The following PCDHGA9 variants were observed in gnomAD, a reference collection of about 807,000 sequenced individuals.
The protein encoded by PCDHGA9 is protocadherin gamma-A9.
In PCDHGA9, 37 loss-of-function variants were observed where a neutral mutation model predicts 62.5. That is an observed-to-expected ratio of 0.59 (90% CI 0.46 to 0.78). The LOEUF (loss-of-function observed/expected upper bound fraction) is 0.78. Ranked by LOEUF, PCDHGA9 falls within the 30% of genes least tolerant of loss-of-function variation. The pLI, the probability that PCDHGA9 is intolerant of heterozygous loss-of-function variation, is 0.00. For synonymous variants in PCDHGA9, 459 were observed against 484.6 expected (o/e 0.95, Z 0.69); for missense variants, 1,138 against 1,166.2 (o/e 0.98, Z 0.35).
intron 1 of PCDHGA9, among the ~76,000 whole-genome samples, chr5:141,430,253 T>G (rs2097270288): frequency 9.8e-6 from 1 of 102,050 alleles, no homozygotes; most frequent in Admixed American, 1.0e-4. Context: ...TAGGGAGACA[T>G]CTCCATAATA....
In PCDHGA9 at chr5:141,486,403, T is replaced by C; in HGVS notation, c.2425-8404T>C. ...GGAACCAGTTCTCCCTGGTGACTGC[T>C]GGACCCTTGGATCGAGAGGCCAAAT... On this transcript the variant is annotated intron_variant, in intron 1 of 3. Coordinates refer to ENST00000573521, the MANE Select transcript of PCDHGA9 (RefSeq NM_018921.3). This position sits in a 1 kb window ranked among gnomAD's most constrained non-coding sequence, Gnocchi z 5.0. The C allele has an allele frequency of 6.2e-7, 1 of 1,614,212 alleles. No individual in the cohort carries two copies. Among genetic ancestry groups the C allele is most frequent in the Non-Finnish European group, 8.5e-7 (1 of 1,180,034 alleles).
At chr5:141,481,722 G>A (rs546676646) in intron 1 of PCDHGA9, among the ~76,000 whole-genome samples, 1 of 152,214 alleles carries the variant, frequency 6.6e-6, no homozygotes, top group African/African-American at 2.4e-5. Flanking sequence ...GGGAGGCGGA[G>A]GCGGGCGGAT....
Position 141,402,911 on chromosome 5 carries a change from C to T in PCDHGA9, c.-42C>T. On this transcript the variant is annotated 5_prime_UTR_variant, in exon 1 of 4. Coordinates refer to ENST00000573521, the MANE Select transcript of PCDHGA9 (RefSeq NM_018921.3). Reference sequence around the variant, plus strand: ...GAAGAAAGAACCTGATGAAGCAGCGCGCACAGAGATCCTTTTGAGAAAATT... The same window carrying T: ...GAAGAAAGAACCTGATGAAGCAGCGTGCACAGAGATCCTTTTGAGAAAATT... 2 of 1,551,976 alleles carry T rather than the reference C, an allele frequency of 1.3e-6. No individual in the cohort carries two copies. Among genetic ancestry groups the T allele is most frequent in the South Asian group, 1.2e-5 (1 of 81,354 alleles).
chr5:141,454,990 T>C (rs548911982), intron 1 of PCDHGA9, among the ~76,000 whole-genome samples: 1 of 151,490 alleles, frequency 6.6e-6, no homozygotes, highest in African/African-American at 2.4e-5. Context: ...TAAAAAATAT[T>C]TTTAGTAGAG....
chr5:141,415,967 C>A, intron 1 of PCDHGA9: 1 of 389,100 alleles, frequency 2.6e-6, no homozygotes, highest in Non-Finnish European at 4.2e-6. Context: ...AACTCCAGCC[C>A]CTTAAGCAAC....
Position 141,487,333 on chromosome 5 carries a change from C to T in PCDHGA9, c.2425-7474C>T. 6.2e-7 allele frequency: 1 copy of T among 1,614,176 alleles called. No homozygotes were observed. The highest frequency in any genetic ancestry group is 8.5e-7 in the Non-Finnish European group (1 of 1,180,022). On this transcript the variant is annotated intron_variant, in intron 1 of 3. Transcript: ENST00000573521. The surrounding 1 kb of genome is among the most constrained non-coding windows in gnomAD (Gnocchi z 5.0). ...TCTCTAAGTGTCTTCGTGGGGCAGC[C>T]TGTGGAGTCACATGCTTTCCTGCTG...
intron 1 of PCDHGA9, chr5:141,478,400 C>A (rs1295855090): frequency 6.2e-7 from 1 of 1,613,550 alleles, no homozygotes; most frequent in East Asian, 2.2e-5. Context: ...TCAGGTGTAT[C>A]TCACCACGGA....
intron 1 of PCDHGA9, among the ~76,000 whole-genome samples, chr5:141,479,935 A>C (rs1226362422): frequency 1.3e-5 from 2 of 152,232 alleles, no homozygotes. Context: ...CATCATTGCT[A>C]TCAACTCTTG....
At chr5:141,480,221 T>C (rs2099514536) in intron 1 of PCDHGA9, among the ~76,000 whole-genome samples, 1 of 149,748 alleles carries the variant, frequency 6.7e-6, no homozygotes, top group Admixed American at 6.7e-5. Context: ...CTGAGCGACA[T>C]AGTGAGATCC....
rs764056952 is a variant in PCDHGA9 at position 141,405,326 on chromosome 5, T to G, written c.2374T>G (p.Cys792Gly). Residue 792 changes from cysteine (C) to glycine (G), a missense_variant, in exon 1 of 4, where the codon TGC (cysteine) becomes GGC (glycine). Cys to Gly is a radical substitution (Grantham distance 159, BLOSUM62 -3). Transcript: ENST00000573521. ...QQSCEKNEPL[C>G]VSVDSKFPIE... is the part of the protein sequence containing the mutation. ...GAGCTGTGAGAAAAATGAGCCTTTG[T>G]GCGTCTCTGTTGATTCCAAGTTTCC... The G allele has an allele frequency of 2.5e-6, 4 of 1,614,220 alleles. No individual in the cohort carries two copies. Among genetic ancestry groups the G allele is most frequent in the Admixed American group, 3.3e-5 (2 of 60,026 alleles).
rs202183643 is a variant in PCDHGA9 at position 141,490,646 on chromosome 5, C to T, written c.2425-4161C>T. 9 of 1,614,186 alleles carry T rather than the reference C, an allele frequency of 5.6e-6. No homozygotes were observed. Among genetic ancestry groups the T allele is most frequent in the African/African-American group, 2.7e-5 (2 of 75,054 alleles). ...GCTTACATCCTAGAAAACCGGCCTC[C>T]GGGCTCCCTTCTTTGCACTGTGGCT... On this transcript the variant is annotated intron_variant, in intron 1 of 3. Transcript: ENST00000573521. The surrounding 1 kb of genome is among the most constrained non-coding windows in gnomAD (Gnocchi z 5.4).
At position 141,432,395 on chromosome 5, in the gene PCDHGA9, G is replaced by T. The variant is rs748660079; in HGVS notation, c.2424+27019G>T. On this transcript the variant is annotated intron_variant, in intron 1 of 3. Coordinates refer to ENST00000573521, the MANE Select transcript of PCDHGA9 (RefSeq NM_018921.3). This position sits in a 1 kb window ranked among gnomAD's most constrained non-coding sequence, Gnocchi z 6.0. ...CGGGCACCCGCCCCTCAGCAGCAAC[G>T]TGTCGTTGAGCCTGTTCGTGCTGGA... 5 of 1,614,242 alleles carry T rather than the reference G, an allele frequency of 3.1e-6. No individual in the cohort carries two copies. In the East Asian group the frequency reaches 8.9e-5, roughly 29 times the overall value.
At chr5:141,410,348 C>T (rs761119683) in intron 1 of PCDHGA9, 3 of 1,614,034 alleles carry the variant, frequency 1.9e-6, no homozygotes, top group East Asian at 2.2e-5. Context: ...CTTGCGCCTG[C>T]GACGCTCTCT....
rs1210809217 is a variant in PCDHGA9 at position 141,432,990 on chromosome 5, A to G, written c.2424+27614A>G. The G allele has an allele frequency of 6.2e-7, 1 of 1,614,152 alleles. No individual in the cohort carries two copies. The highest frequency in any genetic ancestry group is 1.7e-5 in the Admixed American group (1 of 60,022). ...CCGGCGTCGCACTTTGTGGGCGTGGACGGGGTGCAGGCTTTCCTGCAGACC... is the reference window on the plus strand; with the variant it reads ...CCGGCGTCGCACTTTGTGGGCGTGGGCGGGGTGCAGGCTTTCCTGCAGACC... On this transcript the variant is annotated intron_variant, in intron 1 of 3. Transcript: ENST00000573521. This position sits in a 1 kb window ranked among gnomAD's most constrained non-coding sequence, Gnocchi z 6.0.
chr5:141,438,471 A>C (rs1019238906), intron 1 of PCDHGA9, among the ~76,000 whole-genome samples: 4 of 151,396 alleles, frequency 2.6e-5, no homozygotes, highest in Admixed American at 2.6e-4. Flanking sequence ...CAATTATTGG[A>C]AAGTGGTCTC....
rs1227250624 is a variant in PCDHGA9, at chr5:141,409,019, G to A, written c.2424+3643G>A. 4 of 1,613,996 alleles carry A rather than the reference G, an allele frequency of 2.5e-6. 1 individual carries two copies. Among genetic ancestry groups the A allele is most frequent in the Middle Eastern group, 3.3e-4 (2 of 6,062 alleles). On this transcript the variant is annotated intron_variant, in intron 1 of 3. Coordinates refer to ENST00000573521, the MANE Select transcript of PCDHGA9 (RefSeq NM_018921.3). ...GACAGCCACTGACCAGGATGAGGGG[G>A]TCAATGCTGAGATAAACTACTACTT...
In PCDHGA9 at chr5:141,404,696, G is replaced by A. The variant is rs757662807; in HGVS notation, c.1744G>A (p.Ala582Thr). 1 of 1,614,104 alleles carries A rather than the reference G, an allele frequency of 6.2e-7. No homozygotes were observed. Among genetic ancestry groups the A allele is most frequent in the Non-Finnish European group, 8.5e-7 (1 of 1,179,994 alleles). ...STGVELAPRS[A>T]EPGYLVTKVV... ...TGGTGTGGAGCTGGCACCCCGCTCT[G>A]CAGAGCCTGGCTACCTGGTGACCAA... Residue 582 changes from alanine (A) to threonine (T), a missense_variant, in exon 1 of 4, where the codon GCA becomes ACA. Physicochemically the swap from Ala to Thr is moderately conservative, Grantham distance 58. Transcript: ENST00000573521.
intron 1 of PCDHGA9, among the ~76,000 whole-genome samples, chr5:141,468,306 C>T (rs1006015063): frequency 9.5e-6 from 1 of 105,260 alleles, no homozygotes; most frequent in African/African-American, 3.7e-5. Context: ...GCCTGGGCAA[C>T]AAGAGCAACG....
rs1293684074 is a variant in PCDHGA9 at position 141,512,899 on chromosome 5, C to T, written c.*1726C>T. On this transcript the variant is annotated 3_prime_UTR_variant, in exon 4 of 4. Transcript: ENST00000573521. ...CCCACCCCACCCTCTTCCTGTGTCT[C>T]ACGCAAGTTTTATACTCTAATATTT... 1 of 152,260 alleles carries T rather than the reference C, an allele frequency of 6.6e-6. No homozygotes were observed. Among genetic ancestry groups the T allele is most frequent in the Non-Finnish European group, 1.5e-5 (1 of 68,064 alleles). 9.4% of individuals were successfully genotyped at this position (152,260 alleles called of 1,614,324 possible). A position where few individuals can be genotyped will look rare whatever the true frequency, so the allele number is the denominator to read the frequency against.
Sources: allele counts gnomAD v4.1 joint callset (sites outside exome capture counted in the v4.1 genomes callset), GRCh38; gene constraint gnomAD v4.1.1; non-coding constraint Gnocchi (gnomAD v3.1); transcripts MANE v1.5; gene names NCBI Gene and HGNC (gene_info 2026-07-23, HGNC 2026-07-21).